The following SFXN5 variants were observed in gnomAD, a reference collection of about 807,000 sequenced individuals.
SFXN5 encodes the protein sideroflexin 5, also known as sideroflexin-5.
SFXN5 carries 43 observed loss-of-function variants against 50.2 expected under a neutral mutation model. The ratio of observed to expected loss-of-function variants is 0.86; its 90% CI spans 0.67 to 1.11. The LOEUF is 1.11. Ranked by LOEUF, SFXN5 falls within the 50% of genes least tolerant of loss-of-function variation. The pLI is 0.00. For missense variants in SFXN5, 463 were observed against 454.1 expected, an observed-to-expected ratio of 1.02 and a Z score of -0.18; for synonymous variants, 203 against 185.8, an observed-to-expected ratio of 1.09 and a Z score of -0.75.
At chr2:73,041,620 G>T in intron 2 of SFXN5, 1 of 428,054 alleles carries the variant, frequency 2.3e-6, no homozygotes, top group South Asian at 1.7e-5. Flanking sequence ...AACCCAGGAG[G>T]CAGGGGTTGC....
chr2:72,984,482 C>A (rs1346660097), intron 10 of SFXN5, among the ~76,000 whole-genome samples: 1 of 152,262 alleles, frequency 6.6e-6, no homozygotes, highest in South Asian at 2.1e-4. Flanking sequence ...GGTTATCTCA[C>A]AGGGCTTGAA....
intron 12 of SFXN5, among the ~76,000 whole-genome samples, chr2:72,966,678 C>T (rs982780487): frequency 2.0e-5 from 3 of 152,170 alleles, no homozygotes; most frequent in African/African-American, 7.2e-5. Flanking sequence ...GGCTGGACAC[C>T]TCAGTGTCTA....
chr2:72,955,591 CAG>C (rs1247410048), intron 13 of SFXN5, among the ~76,000 whole-genome samples: 2 of 152,218 alleles, frequency 1.3e-5, no homozygotes, highest in South Asian at 2.1e-4. Context: ...CTTCTTGCTC[CAG>C]AGAGACATGA....
At chr2:72,999,634 A>G (rs1673654732) in intron 8 of SFXN5, among the ~76,000 whole-genome samples, 1 of 151,828 alleles carries the variant, frequency 6.6e-6, no homozygotes, top group African/African-American at 2.4e-5. Flanking sequence ...TGTGAAGCCT[A>G]TGAGAGAGAC....
intron 6 of SFXN5, among the ~76,000 whole-genome samples, chr2:73,016,312 T>A (rs2105797974): frequency 6.6e-6 from 1 of 152,352 alleles, no homozygotes; most frequent in South Asian, 2.1e-4. Flanking sequence ...ATTATCTAAA[T>A]AAATCATGGT....
chr2:73,062,533 C>T (rs973769076), intron 1 of SFXN5, among the ~76,000 whole-genome samples: 2 of 152,146 alleles, frequency 1.3e-5, no homozygotes, highest in African/African-American at 4.8e-5. Flanking sequence ...TCATCCTGTC[C>T]CAGCCCTGCC....
intron 2 of SFXN5, among the ~76,000 whole-genome samples, chr2:73,048,035 AC>A: frequency 6.6e-6 from 1 of 152,334 alleles, no homozygotes; most frequent in African/African-American, 2.4e-5. Context: ...GACATGAAAA[AC>A]TGCTCATATA....
chr2:73,023,825 T>C (rs917613308), intron 3 of SFXN5, among the ~76,000 whole-genome samples: 1 of 152,126 alleles, frequency 6.6e-6, no homozygotes, highest in African/African-American at 2.4e-5. Flanking sequence ...GTTGTTATCA[T>C]AAGAAGGCTG....
At chr2:72,993,734 C>G (rs1672887321) in intron 9 of SFXN5, among the ~76,000 whole-genome samples, 1 of 152,170 alleles carries the variant, frequency 6.6e-6, no homozygotes, top group African/African-American at 2.4e-5. Context: ...GTCCAGGATT[C>G]CCAGGTGCTG....
chr2:73,039,038 C>G lies in SFXN5; in HGVS notation c.249+1816G>C, dbSNP rs577817461. Among the ~76,000 whole-genome samples the G allele has an allele frequency of 6.2e-4, 94 of 152,284 alleles. 2 individuals carry two copies. In the South Asian group the frequency reaches 0.012, roughly 19 times the overall value. On this transcript the variant is annotated intron_variant, in intron 3 of 13. Coordinates refer to ENST00000272433, the MANE Select transcript of SFXN5 (RefSeq NM_144579.3). ...ACCTCCTAGGTTCAAGTGATTCCCC[C>G]CTCCTCAGCCTCCCAAGTAGCTGGG...
At chr2:72,962,635 T>C (rs886160114) in intron 12 of SFXN5, among the ~76,000 whole-genome samples, 1 of 152,204 alleles carries the variant, frequency 6.6e-6, no homozygotes, top group Non-Finnish European at 1.5e-5. Flanking sequence ...CCTGCTCAGG[T>C]ATTAATAAAG....
intron 1 of SFXN5, among the ~76,000 whole-genome samples, chr2:73,060,628 TAA>T (rs1340854416): frequency 6.6e-6 from 1 of 151,778 alleles, no homozygotes. Flanking sequence ...CATAGGTTAA[TAA>T]AAGTGTTGTA....
At chr2:72,969,714 T>TTA (rs1674925134) in intron 11 of SFXN5, among the ~76,000 whole-genome samples, 1 of 149,890 alleles carries the variant, frequency 6.7e-6, no homozygotes, top group Non-Finnish European at 1.5e-5. Flanking sequence ...TTTTTTTTTT[T>TTA]AACATCTCTT....
Position 73,059,835 on chromosome 2 carries a change from T to C in SFXN5, c.103-1239A>G, listed in dbSNP as rs903676529. ...TGGCAAAATTTCACCTCTGAGAATG[T>C]AGTCTAAGGAAACAATCCAAGATGT... On this transcript the variant is annotated intron_variant, in intron 1 of 13. Transcript: ENST00000272433. The C allele has an allele frequency of 5.2e-6, 5 of 964,718 alleles. 1 individual carries two copies. The Admixed American group carries it at 2.6e-4, about 51-fold the overall frequency. The allele number at this position is 964,718 out of a possible 1,614,324, so 59.8% of individuals were successfully genotyped here.
rs532865819 is a variant in SFXN5, at chr2:72,961,390, A to G, written c.828-142T>C. 30 of 531,240 alleles carry G rather than the reference A, an allele frequency of 5.6e-5. No individual in the cohort carries two copies. In the African/African-American group the frequency reaches 5.8e-4, roughly 10 times the overall value. 32.9% of individuals were successfully genotyped at this position (531,240 alleles called of 1,614,324 possible). ...TGCCAGTGTGCAGCTAAACAGATAT[A>G]GCAGAGTTCTGTCTTTGGGACCTTT... On this transcript the variant is annotated intron_variant, in intron 12 of 13. Transcript: ENST00000272433. This position sits in a 1 kb window ranked among gnomAD's most constrained non-coding sequence, Gnocchi z 4.4.
Position 73,058,647 on chromosome 2 carries a change from C to T in SFXN5, c.103-51G>A, listed in dbSNP as rs764172719. 6 of 1,553,836 alleles carry T rather than the reference C, an allele frequency of 3.9e-6. No individual in the cohort carries two copies. The Admixed American group carries it at 8.4e-5, about 22-fold the overall frequency. ...GTGAATGGATCAGCTGCTGCACACC[C>T]TTCTCCAGACACTGGAGAGCCCCAC... is the stretch of plus-strand genomic sequence containing the variant. On this transcript the variant is annotated intron_variant, in intron 1 of 13. Transcript: ENST00000272433.
At chr2:73,007,725 G>C (rs574026906) in intron 6 of SFXN5, among the ~76,000 whole-genome samples, 2 of 152,126 alleles carry the variant, frequency 1.3e-5, no homozygotes, top group African/African-American at 2.4e-5. Context: ...GTTCCTCTTT[G>C]TCATCCACCA....
intron 5 of SFXN5, among the ~76,000 whole-genome samples, chr2:73,022,015 T>A (rs986020346): frequency 6.6e-6 from 1 of 152,182 alleles, no homozygotes; most frequent in Non-Finnish European, 1.5e-5. Context: ...CTTCTGTATG[T>A]GCACAGCAGT....
intron 3 of SFXN5, among the ~76,000 whole-genome samples, chr2:73,039,635 T>C (rs1456633031): frequency 6.6e-6 from 1 of 152,126 alleles, no homozygotes; most frequent in Non-Finnish European, 1.5e-5. Flanking sequence ...AATTGAGAAA[T>C]AGCAGTGTAG....
Sources: gnomAD v4.1 joint callset for allele counts (sites outside exome capture counted in the v4.1 genomes callset) on GRCh38, gnomAD v4.1.1 for gene constraint, Gnocchi (gnomAD v3.1) non-coding constraint, MANE v1.5 for transcripts, NCBI Gene and HGNC (gene_info 2026-07-23, HGNC 2026-07-21) for gene names.